FHL5: variants seen among roughly 807,000 people sequenced by gnomAD.
FHL5 encodes four and a half LIM domains protein 5.
In FHL5, 33 loss-of-function variants were observed where a neutral mutation model predicts 32.0. The observed-to-expected ratio is 1.03, with a 90% confidence interval of 0.78 to 1.38. The LOEUF (loss-of-function observed/expected upper bound fraction) is 1.38, where lower values mean the gene tolerates loss of function less well. FHL5 is among the 40% of genes most tolerant of loss of function. The probability of loss-of-function intolerance (pLI) is 0.00; values close to 1 mark genes in which losing one functional copy is unlikely to be tolerated. For missense variants in FHL5, 336 were observed against 343.9 expected, an observed-to-expected ratio of 0.98 and a Z score of 0.18; for synonymous variants, 114 against 113.6, an observed-to-expected ratio of 1.00 and a Z score of -0.02.
chr6:96,605,435 A>G (rs1338911903), intron 3 of FHL5, among the ~76,000 whole-genome samples: 1 of 152,260 alleles, frequency 6.6e-6, no homozygotes, highest in Non-Finnish European at 1.5e-5. Context: ...GGTCAGCAGC[A>G]TAAGAACATA....
chr6:96,568,808 T>A (rs1329075705), intron 1 of FHL5, among the ~76,000 whole-genome samples: 1 of 151,926 alleles, frequency 6.6e-6, no homozygotes, highest in Non-Finnish European at 1.5e-5. Flanking sequence ...TTAGTTGTAA[T>A]GTCTCCTTTT....
At chr6:96,603,878 A>AT (rs1771211723) in intron 2 of FHL5, 106 bp downstream of exon 2, 1 of 859,206 alleles carries the variant, frequency 1.2e-6, no homozygotes, top group Admixed American at 2.3e-5. Flanking sequence ...TTTCTCTGCT[A>AT]CTGGATATAT....
chr6:96,611,293 CT>C (rs1177111666), intron 5 of FHL5, among the ~76,000 whole-genome samples: 1 of 152,076 alleles, frequency 6.6e-6, no homozygotes, highest in Non-Finnish European at 1.5e-5. Context: ...ATGTATTACT[CT>C]CTTTTCTCTA....
At chr6:96,584,405 C>T (rs914389662) in intron 1 of FHL5, among the ~76,000 whole-genome samples, 52 of 150,576 alleles carry the variant, frequency 3.5e-4, no homozygotes, top group African/African-American at 1.2e-3. Context: ...AATAGGGAGA[C>T]ACTGGAAGTG....
intron 1 of FHL5, among the ~76,000 whole-genome samples, chr6:96,592,974 A>T (rs1179015598): frequency 1.3e-5 from 2 of 152,082 alleles, no homozygotes; most frequent in Non-Finnish European, 2.9e-5. Flanking sequence ...CTTCAAATAC[A>T]ACTTGTATAT....
intron 1 of FHL5, among the ~76,000 whole-genome samples, chr6:96,580,991 A>C (rs1770685497): frequency 6.6e-6 from 1 of 152,200 alleles, no homozygotes. Context: ...TATTGCTTAT[A>C]TTTGAAAACA....
intron 1 of FHL5, among the ~76,000 whole-genome samples, chr6:96,583,829 A>T (rs973109119): frequency 1.3e-5 from 2 of 152,136 alleles, no homozygotes; most frequent in African/African-American, 4.8e-5. Flanking sequence ...CCGTCCTTTG[A>T]CATATTTGCT....
chr6:96,582,836 G>C (rs1396561985), intron 1 of FHL5, among the ~76,000 whole-genome samples: 2 of 152,036 alleles, frequency 1.3e-5, no homozygotes, highest in Non-Finnish European at 2.9e-5. Flanking sequence ...AGTAGCATTT[G>C]GGAGGGGGAA....
intron 4 of FHL5, among the ~76,000 whole-genome samples, chr6:96,608,073 A>G (rs1771322723): frequency 1.3e-5 from 2 of 152,222 alleles, no homozygotes; most frequent in Non-Finnish European, 2.9e-5. Context: ...CTGTTTTGAG[A>G]GACAACTGAG....
At chr6:96,600,406 C>A (rs1771124010) in intron 1 of FHL5, among the ~76,000 whole-genome samples, 2 of 152,164 alleles carry the variant, frequency 1.3e-5, no homozygotes, top group South Asian at 4.1e-4. Context: ...CTATGCCATT[C>A]TCTCACTTCT....
At chr6:96,588,465 T>C (rs1300680816) in intron 1 of FHL5, among the ~76,000 whole-genome samples, 3 of 152,218 alleles carry the variant, frequency 2.0e-5, no homozygotes, top group Non-Finnish European at 4.4e-5. Context: ...ACCTCCCAAG[T>C]GCTGGGATTA....
chr6:96,598,106 C>A (rs2127970017), intron 1 of FHL5, among the ~76,000 whole-genome samples: 1 of 152,264 alleles, frequency 6.6e-6, no homozygotes, highest in South Asian at 2.1e-4. Context: ...TGCCCTTTGC[C>A]TGCTTCCACA....
chr6:96,592,138 T>C (rs143325929), intron 1 of FHL5, among the ~76,000 whole-genome samples: 3,977 of 152,194 alleles, frequency 0.026, 60 homozygotes, highest in Non-Finnish European at 0.031. Flanking sequence ...GACCAAAATT[T>C]ATTAGGTGGG....
intron 5 of FHL5, among the ~76,000 whole-genome samples, chr6:96,613,772 G>T (rs1349929208): frequency 1.3e-5 from 2 of 152,220 alleles, no homozygotes; most frequent in African/African-American, 2.4e-5. Flanking sequence ...CTAGCTGGGT[G>T]ACCTGGGGCA....
chr6:96,591,874 C>T (rs774282435), intron 1 of FHL5, among the ~76,000 whole-genome samples: 28 of 151,942 alleles, frequency 1.8e-4, no homozygotes, highest in East Asian at 1.9e-4. Flanking sequence ...CGATAGGTTC[C>T]GTGATGTCCC....
In FHL5 at chr6:96,617,871, A is replaced by G. The variant is rs1771554602; in HGVS notation, c.*2099A>G. Among the ~76,000 whole-genome samples the G allele has an allele frequency of 6.6e-6, 1 of 152,204 alleles. No individual in the cohort carries two copies. The highest frequency in any genetic ancestry group is 1.5e-5 in the Non-Finnish European group (1 of 68,038). On this transcript the variant is annotated 3_prime_UTR_variant, in exon 6 of 6. Transcript: ENST00000450218. ...TTCCTAAAGATTTTATTATCCTTTCATAAGTATAAATATATATACTTTTAC... is the reference window on the plus strand; with the variant it reads ...TTCCTAAAGATTTTATTATCCTTTCGTAAGTATAAATATATATACTTTTAC...
intron 1 of FHL5, among the ~76,000 whole-genome samples, chr6:96,578,608 G>A (rs1171600448): frequency 6.6e-6 from 1 of 152,110 alleles, no homozygotes; most frequent in Non-Finnish European, 1.5e-5. Context: ...TTGGGAGGTC[G>A]AGGTGGGAGA....
intron 1 of FHL5, among the ~76,000 whole-genome samples, chr6:96,579,826 G>A (rs1308232179): frequency 1.3e-5 from 2 of 150,872 alleles, no homozygotes; most frequent in Non-Finnish European, 2.9e-5. Context: ...AGTGTCTGGG[G>A]TTGAGGTCTC....
At chr6:96,576,812 A>G (rs12209214) in intron 1 of FHL5, among the ~76,000 whole-genome samples, 6,660 of 152,344 alleles carry the variant, frequency 0.044, 203 homozygotes, top group Non-Finnish European at 0.067. Flanking sequence ...ATGCATTGGC[A>G]TGCCTTAAGA....
Sources: allele counts gnomAD v4.1 joint callset (sites outside exome capture counted in the v4.1 genomes callset), GRCh38; gene constraint gnomAD v4.1.1; transcripts MANE v1.5; gene names NCBI Gene and HGNC (gene_info 2026-07-23, HGNC 2026-07-21).